Variants in CTDSPL2 observed in about 807,000 individuals in gnomAD.
CTDSPL2 encodes CTD small phosphatase-like protein 2.
Under a neutral mutation model 60.0 loss-of-function variants are expected in CTDSPL2, and 5 were observed. The ratio of observed to expected loss-of-function variants is 0.08; its 90% CI spans 0.04 to 0.18. The LOEUF (loss-of-function observed/expected upper bound fraction) is 0.18. CTDSPL2 is among the 10% of genes least tolerant of loss of function. The pLI, the probability that CTDSPL2 is intolerant of heterozygous loss-of-function variation, is 1.00. For missense variants in CTDSPL2, 370 were observed against 548.8 expected, an observed-to-expected ratio of 0.67 and a Z score of 3.26; for synonymous variants, 186 against 189.3, an observed-to-expected ratio of 0.98 and a Z score of 0.14.
intron 1 of CTDSPL2, among the ~76,000 whole-genome samples, chr15:44,455,620 T>G (rs1343876264): frequency 6.6e-6 from 1 of 152,150 alleles, no homozygotes; most frequent in Non-Finnish European, 1.5e-5. Context: ...ATTGAGAGTT[T>G]TTGGCATGAA....
chr15:44,428,376 G>T (rs1315900111), intron 1 of CTDSPL2, among the ~76,000 whole-genome samples: 1 of 152,192 alleles, frequency 6.6e-6, no homozygotes, highest in Non-Finnish European at 1.5e-5. Flanking sequence ...CAGTTAAAGA[G>T]TGAACCTTAT....
intron 1 of CTDSPL2, among the ~76,000 whole-genome samples, chr15:44,447,349 C>T (rs1446593571): frequency 6.6e-6 from 1 of 152,006 alleles, no homozygotes; most frequent in African/African-American, 2.4e-5. Flanking sequence ...TATTTATTAT[C>T]AAAGTTATGT....
At chr15:44,496,718 G>A (rs956184861) in intron 6 of CTDSPL2, among the ~76,000 whole-genome samples, 5 of 152,032 alleles carry the variant, frequency 3.3e-5, no homozygotes, top group African/African-American at 7.2e-5. Context: ...GAAATTGGCC[G>A]GACACGGTGG....
intron 2 of CTDSPL2, among the ~76,000 whole-genome samples, chr15:44,472,477 C>T (rs1391209063): frequency 1.3e-5 from 2 of 150,622 alleles, no homozygotes; most frequent in Non-Finnish European, 2.9e-5. Context: ...TGGCCATTTA[C>T]ATTTTCTTTA....
chr15:44,465,061 T>C (rs2140719217), intron 2 of CTDSPL2, among the ~76,000 whole-genome samples: 1 of 152,284 alleles, frequency 6.6e-6, no homozygotes, highest in East Asian at 1.9e-4. Context: ...ACGGTCACGT[T>C]CTGAAGTATT....
rs2081839867 is a variant in CTDSPL2, at chr15:44,524,370, A to G, written c.*196A>G. On this transcript the variant is annotated 3_prime_UTR_variant, in exon 13 of 13. Transcript: ENST00000260327. Reference sequence around the variant, plus strand: ...CTCAGATCGAATACATATAGTAGGTAGGCTAAAACAGAAGAGTCTTTAGAA... The same window carrying G: ...CTCAGATCGAATACATATAGTAGGTGGGCTAAAACAGAAGAGTCTTTAGAA... 2 of 554,350 alleles carry G rather than the reference A, an allele frequency of 3.6e-6. No homozygotes were observed. The highest frequency in any genetic ancestry group is 3.2e-5 in the Admixed American group (1 of 30,840). 34.3% of individuals were successfully genotyped at this position (554,350 alleles called of 1,614,324 possible).
In CTDSPL2 at chr15:44,444,731, G is replaced by GTT. The variant is rs200048188; in HGVS notation, c.-24-14245_-24-14244dup. Among the ~76,000 whole-genome samples, 565 of 105,420 alleles carry GTT rather than the reference G, an allele frequency of 5.4e-3. 4 individuals are homozygous for GTT. The highest frequency in any genetic ancestry group is 0.017 in the African/African-American group (529 of 30,848). The allele number at this position is 105,420 out of a possible 152,430, so 69.2% of individuals were successfully genotyped here. On this transcript the variant is annotated intron_variant, in intron 1 of 12. Coordinates refer to ENST00000260327, the MANE Select transcript of CTDSPL2 (RefSeq NM_016396.3). ...TTTTCTATGTAGTATAAGGTAAGTAGTTTTTTTTTTTTTTTTGGCGTTTAG... is the reference window on the plus strand; with the variant it reads ...TTTTCTATGTAGTATAAGGTAAGTAGTTTTTTTTTTTTTTTTTTGGCGTTTAG...
At chr15:44,496,300 C>T in intron 5 of CTDSPL2, 80 bp from the exon 6 acceptor site, 1 of 975,908 alleles carries the variant, frequency 1.0e-6, no homozygotes, top group South Asian at 1.4e-5. Flanking sequence ...TTAGGAAGAT[C>T]TTAGATAGAA....
At chr15:44,493,196 C>T (rs1486320164) in intron 5 of CTDSPL2, among the ~76,000 whole-genome samples, 3 of 152,000 alleles carry the variant, frequency 2.0e-5, no homozygotes, top group Admixed American at 2.0e-4. Context: ...AGTGCTGCTA[C>T]AAAGAAGTGA....
chr15:44,501,279 T>A (rs1046043436), intron 8 of CTDSPL2, among the ~76,000 whole-genome samples: 7 of 152,094 alleles, frequency 4.6e-5, no homozygotes, highest in Non-Finnish European at 1.0e-4. Context: ...AAACAATGAT[T>A]TTGAGATGAC....
At chr15:44,483,237 T>C (rs1049581292) in intron 2 of CTDSPL2, among the ~76,000 whole-genome samples, 2 of 145,978 alleles carry the variant, frequency 1.4e-5, no homozygotes, top group African/African-American at 5.1e-5. Flanking sequence ...CACTCTAGCC[T>C]GGGTGACAGA....
chr15:44,498,697 G>C (rs2140828822), intron 7 of CTDSPL2, among the ~76,000 whole-genome samples: 1 of 151,946 alleles, frequency 6.6e-6, no homozygotes, highest in South Asian at 2.1e-4. Context: ...CCAGGAGTTT[G>C]AGACCAGCCT....
At chr15:44,506,868 G>A (rs28458328) in intron 8 of CTDSPL2, among the ~76,000 whole-genome samples, 2,971 of 151,882 alleles carry the variant, frequency 0.02, 46 homozygotes, top group Middle Eastern at 0.068. Context: ...CCAGGTTCAC[G>A]CCATTCTCCT....
At chr15:44,505,561 C>T (rs2081445940) in intron 8 of CTDSPL2, among the ~76,000 whole-genome samples, 1 of 151,814 alleles carries the variant, frequency 6.6e-6, no homozygotes, top group Non-Finnish European at 1.5e-5. Context: ...ATGGTGAAAC[C>T]CTGTCTCTAC....
At chr15:44,476,089 A>T (rs2080910095) in intron 2 of CTDSPL2, among the ~76,000 whole-genome samples, 1 of 152,038 alleles carries the variant, frequency 6.6e-6, no homozygotes, top group South Asian at 2.1e-4. Flanking sequence ...TTATTTTGAG[A>T]TGGAGTCTTC....
At chr15:44,437,600 T>A (rs1276730934) in intron 1 of CTDSPL2, among the ~76,000 whole-genome samples, 3 of 152,168 alleles carry the variant, frequency 2.0e-5, no homozygotes, top group African/African-American at 7.2e-5. Context: ...AGTGATACGG[T>A]CTCCTTCACC....
At chr15:44,460,969 A>G (rs1050288793) in intron 2 of CTDSPL2, among the ~76,000 whole-genome samples, 2 of 148,106 alleles carry the variant, frequency 1.4e-5, no homozygotes, top group Non-Finnish European at 2.9e-5. Flanking sequence ...GTGCGTCCTC[A>G]TCTTTTGCTT....
chr15:44,478,098 A>G (rs1423474733), intron 2 of CTDSPL2, among the ~76,000 whole-genome samples: 2 of 152,000 alleles, frequency 1.3e-5, no homozygotes, highest in African/African-American at 2.4e-5. Flanking sequence ...CTTGATGTTT[A>G]TGATTAGTCT....
chr15:44,460,918 A>G (rs1237004405), intron 2 of CTDSPL2, among the ~76,000 whole-genome samples: 1 of 152,144 alleles, frequency 6.6e-6, no homozygotes, highest in Non-Finnish European at 1.5e-5. Flanking sequence ...CTTGCTACGT[A>G]TTATTACTTC....
Sources: allele counts gnomAD v4.1 joint callset (sites outside exome capture counted in the v4.1 genomes callset), GRCh38; gene constraint gnomAD v4.1.1; transcripts MANE v1.5; gene names NCBI Gene and HGNC (gene_info 2026-07-23, HGNC 2026-07-21).